CGAS: variants seen among roughly 807,000 people sequenced by gnomAD.
The protein encoded by CGAS is 2'3'-cGAMP synthase.
A neutral mutation model predicts 34.0 loss-of-function variants in CGAS; 31 were observed. That is an observed-to-expected ratio of 0.91 (90% CI 0.69 to 1.23). The LOEUF is 1.23. Ranked by LOEUF, CGAS falls within the 50% of genes most tolerant of loss-of-function variation. CGAS has a pLI of 0.00. For missense variants in CGAS, 597 were observed against 657.6 expected, an observed-to-expected ratio of 0.91 and a Z score of 1.01; for synonymous variants, 266 against 260.0, an observed-to-expected ratio of 1.02 and a Z score of -0.22.
chr6:73,427,775 C>T (rs923264894), intron 4 of CGAS, among the ~76,000 whole-genome samples: 1 of 152,086 alleles, frequency 6.6e-6, no homozygotes, highest in Non-Finnish European at 1.5e-5. Context: ...TGGTGACCAG[C>T]CTGCCTGGGC....
At chr6:73,444,305 A>T (rs140353696) in intron 2 of CGAS, among the ~76,000 whole-genome samples, 3,442 of 141,666 alleles carry the variant, frequency 0.024, 140 homozygotes, top group African/African-American at 0.086. Context: ...AATTTAATTT[A>T]ATTTAATTTT....
intron 2 of CGAS, among the ~76,000 whole-genome samples, chr6:73,442,054 G>A (rs1770388663): frequency 6.6e-6 from 1 of 151,960 alleles, no homozygotes. Context: ...TGTATTTTTA[G>A]TAGAGACAGG....
intron 4 of CGAS, among the ~76,000 whole-genome samples, chr6:73,426,591 T>C (rs978475194): frequency 2.0e-5 from 3 of 151,420 alleles, no homozygotes; most frequent in African/African-American, 4.8e-5. Context: ...CAATCTCGGC[T>C]CACTGCAACC....
chr6:73,434,419 C>T (rs1770246244), intron 3 of CGAS, among the ~76,000 whole-genome samples: 1 of 152,104 alleles, frequency 6.6e-6, no homozygotes, highest in Admixed American at 6.6e-5. Context: ...GACCTTCCTC[C>T]CCCAAACCAA....
At chr6:73,437,882 A>G (rs1770305302) in intron 3 of CGAS, among the ~76,000 whole-genome samples, 1 of 152,104 alleles carries the variant, frequency 6.6e-6, no homozygotes, top group Non-Finnish European at 1.5e-5. Context: ...AGCCTGGCCA[A>G]TATGGTGAAA....
At chr6:73,432,448 A>T (rs1384702188) in intron 3 of CGAS, among the ~76,000 whole-genome samples, 3 of 151,352 alleles carry the variant, frequency 2.0e-5, no homozygotes, top group Non-Finnish European at 4.4e-5. Context: ...GGTGTGAGCC[A>T]CCGCTCCCAG....
Position 73,424,389 on chromosome 6 carries a change from A to C in CGAS, c.*838T>G, listed in dbSNP as rs947574055. ...GCAGAGCTTGCAGTGAGCCAAGATC[A>C]TGCCACTGGACTCCAGCCTGGGCGA... On this transcript the variant is annotated 3_prime_UTR_variant, in exon 5 of 5. Transcript: ENST00000370315. 1 of 151,804 alleles carries C rather than the reference A, an allele frequency of 6.6e-6. No individual in the cohort carries two copies. The highest frequency in any genetic ancestry group is 2.4e-5 in the African/African-American group (1 of 41,288). 9.4% of individuals were successfully genotyped at this position (151,804 alleles called of 1,614,324 possible).
Position 73,427,986 on chromosome 6 carries a change from A to T in CGAS, c.1217+723T>A, listed in dbSNP as rs141416867. ...AGTCACCATGCCTGGCTAATTTTTA[A>T]ATTTTTTATGGAGGTGGGGTCTCAC... On this transcript the variant is annotated intron_variant, in intron 4 of 4. Coordinates refer to ENST00000370315, the MANE Select transcript of CGAS (RefSeq NM_138441.3). Among the ~76,000 whole-genome samples the T allele has an allele frequency of 2.2e-3, 341 of 151,984 alleles. 2 individuals are homozygous for T. Among genetic ancestry groups the T allele is most frequent in the African/African-American group, 7.6e-3 (315 of 41,456 alleles).
Position 73,425,440 on chromosome 6 carries a change from G to A in CGAS, c.1356C>T (p.Asp452=). The change falls in exon 5 of 5, where the codon GAC becomes GAT. Residue 452 remains aspartate, a synonymous_variant. Coordinates refer to ENST00000370315, the MANE Select transcript of CGAS (RefSeq NM_138441.3). ...CCAGGTCTTTGCGGTCCCACTGACT[G>A]TCTTGAGGGTTCTGGGTACATACGT... ...FFHVCTQNPQ[D]SQWDRKDLGL... The A allele has an allele frequency of 6.2e-7, 1 of 1,614,172 alleles. No individual in the cohort carries two copies. The highest frequency in any genetic ancestry group is 8.5e-7 in the Non-Finnish European group (1 of 1,180,032).
intron 3 of CGAS, among the ~76,000 whole-genome samples, chr6:73,433,474 T>C (rs1269761943): frequency 6.8e-6 from 1 of 148,024 alleles, no homozygotes; most frequent in Admixed American, 6.8e-5. Flanking sequence ...TATAAAAACT[T>C]TTATAGAGAG....
intron 2 of CGAS, among the ~76,000 whole-genome samples, chr6:73,444,012 C>T (rs1210314505): frequency 6.6e-5 from 10 of 152,172 alleles, no homozygotes; most frequent in African/African-American, 1.9e-4. Context: ...ATTTTTGAGA[C>T]GGAGTCTTGC....
chr6:73,437,961 C>T lies in CGAS; in HGVS notation c.1114+2248G>A, dbSNP rs977040915. Among the ~76,000 whole-genome samples the T allele has an allele frequency of 7.2e-5, 11 of 152,056 alleles. No individual in the cohort carries two copies. The East Asian group carries it at 7.7e-4, about 11-fold the overall frequency. ...GCACGCACCTGTAGTCCCAGCTACT[C>T]GAGATGCTGAAGTGGGAGAATCTTT... is the stretch of plus-strand genomic sequence containing the variant. On this transcript the variant is annotated intron_variant, in intron 3 of 4. Coordinates refer to ENST00000370315, the MANE Select transcript of CGAS (RefSeq NM_138441.3).
intron 3 of CGAS, among the ~76,000 whole-genome samples, chr6:73,436,742 C>T (rs1377780998): frequency 4.0e-5 from 6 of 150,968 alleles, no homozygotes; most frequent in Non-Finnish European, 2.9e-5. Context: ...ACGCTGGTCT[C>T]GAACTCCTGA....
intron 2 of CGAS, among the ~76,000 whole-genome samples, chr6:73,444,280 G>A (rs1053547813): frequency 7.9e-5 from 12 of 151,198 alleles, no homozygotes; most frequent in South Asian, 2.1e-4. Context: ...GAGCCACTGC[G>A]CCTGGCCAGA....
At chr6:73,427,541 C>A (rs923328134) in intron 4 of CGAS, among the ~76,000 whole-genome samples, 1 of 152,136 alleles carries the variant, frequency 6.6e-6, no homozygotes, top group Non-Finnish European at 1.5e-5. Flanking sequence ...CTCAGGTGAT[C>A]CACCTGCCCT....
rs535297670 is a variant in CGAS, at chr6:73,444,902, G to A, written c.877+626C>T. Among the ~76,000 whole-genome samples, 82 of 152,242 alleles carry A rather than the reference G, an allele frequency of 5.4e-4. 1 individual carries two copies. The South Asian group carries it at 0.017, about 31-fold the overall frequency. ...AGGATTAAATTAAGATGGTTCCCAG[G>A]TTTCTGGATGGTGCGTCTGGGTGGA... On this transcript the variant is annotated intron_variant, in intron 2 of 4. Transcript: ENST00000370315.
At chr6:73,445,852 A>G (rs1770460259) in intron 1 of CGAS, 105 bp from the exon 2 acceptor site, 1 of 815,574 alleles carries the variant, frequency 1.2e-6, no homozygotes, top group Non-Finnish European at 1.9e-6. Flanking sequence ...TTAAAAAGCA[A>G]GATTCATAAT....
At chr6:73,451,481 A>C (rs1770563724) in intron 1 of CGAS, 44 bp downstream of exon 1, 1 of 1,509,382 alleles carries the variant, frequency 6.6e-7, no homozygotes, top group Non-Finnish European at 8.9e-7. Context: ...GGATTGCGGA[A>C]GGCCGAGCAG....
rs1770565256 is a variant in CGAS at position 73,451,543 on chromosome 6, G to C, written c.639C>G (p.Ser213Arg). 1 of 1,579,000 alleles carries C rather than the reference G, an allele frequency of 6.3e-7. No homozygotes were observed. The highest frequency in any genetic ancestry group is 1.4e-5 in the African/African-American group (1 of 73,652). Reference protein sequence around the residue: ...FRGVGLLNTGSYYEHVKISAP... With the variant: ...FRGVGLLNTGRYYEHVKISAP... ...AGCTCACCTTCACGTGCTCATAGTA[G>C]CTCCCGGTGTTCAGCAGCCCGACGC... The change falls in exon 1 of 5, where the codon AGC becomes AGG. Residue 213 changes from serine (S) to arginine (R), a missense_variant. Around this residue, in one of 3 missense-constraint regions of CGAS, gnomAD observed 321 missense variants for 314.3 expected, o/e 1.02. Transcript: ENST00000370315.
Sources: allele counts gnomAD v4.1 joint callset (sites outside exome capture counted in the v4.1 genomes callset), GRCh38; gene constraint gnomAD v4.1.1; regional missense constraint gnomAD v4.1.1; transcripts MANE v1.5; gene names NCBI Gene and HGNC (gene_info 2026-07-23, HGNC 2026-07-21).